The following PRKCB variants were observed in gnomAD, a reference collection of about 807,000 sequenced individuals.
The protein encoded by PRKCB is protein kinase C beta, also known as protein kinase C beta type.
A neutral mutation model predicts 81.5 loss-of-function variants in PRKCB; 13 were observed. The ratio of observed to expected loss-of-function variants is 0.16; its 90% confidence interval spans 0.10 to 0.25. The LOEUF (loss-of-function observed/expected upper bound fraction) is 0.25, where lower values mean the gene tolerates loss of function less well. Ranked by LOEUF, PRKCB falls within the 10% of genes least tolerant of loss-of-function variation. The pLI, the probability that PRKCB is intolerant of heterozygous loss-of-function variation, is 1.00. For missense variants in PRKCB, 509 were observed against 875.7 expected (o/e 0.58, Z 5.29); for synonymous variants, 335 against 321.4 (o/e 1.04, Z -0.45).
intron 7 of PRKCB, among the ~76,000 whole-genome samples, chr16:24,096,666 A>AAAAAAAAAAAAT (rs1406204037): frequency 6.1e-5 from 2 of 32,704 alleles, no homozygotes; most frequent in African/African-American, 1.9e-4. Context: ...AAAAAAAAAA[A>AAAAAAAAAAAAT]ATATATATAT....
rs1284455936 is a variant in PRKCB, at chr16:24,123,942, T to C, written c.1026T>C (p.Phe342=). The change falls in exon 9 of 17, where the codon TTT becomes TTC. Residue 342 remains phenylalanine (F), a synonymous_variant. Transcript: ENST00000643927. ...GNRDRMKLTD[F]NFLMVLGKGS... is the part of the protein sequence containing the mutation. ...GAGACCGGATGAAACTGACCGATTTTAACTTCCTAATGGTGCTGGGGAAAG... is the reference window on the plus strand; with the variant it reads ...GAGACCGGATGAAACTGACCGATTTCAACTTCCTAATGGTGCTGGGGAAAG... 14 of 1,614,076 alleles carry C rather than the reference T, an allele frequency of 8.7e-6. No individual in the cohort carries two copies. Among genetic ancestry groups the C allele is most frequent in the African/African-American group, 2.7e-5 (2 of 74,934 alleles).
intron 2 of PRKCB, among the ~76,000 whole-genome samples, chr16:23,919,367 C>T (rs1049179488): frequency 1.5e-5 from 2 of 137,908 alleles, no homozygotes; most frequent in African/African-American, 5.5e-5. Context: ...TATGTTAGAA[C>T]AGAGTCATGG....
intron 5 of PRKCB, among the ~76,000 whole-genome samples, chr16:24,040,765 C>T (rs62026399): frequency 2.3e-3 from 343 of 152,292 alleles, no homozygotes; most frequent in Middle Eastern, 6.8e-3. Flanking sequence ...CCAATTTATA[C>T]CATTATTCTC....
intron 7 of PRKCB, among the ~76,000 whole-genome samples, chr16:24,103,052 T>C (rs796725427): frequency 1.2e-4 from 18 of 152,324 alleles, no homozygotes; most frequent in African/African-American, 4.3e-4. Flanking sequence ...TTTGTATTTT[T>C]AGTTGAGACA....
At chr16:23,836,798 C>G (rs557950309) in intron 1 of PRKCB, among the ~76,000 whole-genome samples, 9 of 149,696 alleles carry the variant, frequency 6.0e-5, no homozygotes, top group Non-Finnish European at 1.2e-4. Context: ...GTGTCCTTCT[C>G]TATCTCCCTG....
At chr16:24,112,580 G>C (rs1365588755) in intron 7 of PRKCB, among the ~76,000 whole-genome samples, 2 of 152,102 alleles carry the variant, frequency 1.3e-5, no homozygotes, top group Non-Finnish European at 2.9e-5. Context: ...AGAAATTTAC[G>C]ATGAGGGATC....
At chr16:24,193,552 T>C (rs1406592888) in intron 16 of PRKCB, among the ~76,000 whole-genome samples, 2 of 152,018 alleles carry the variant, frequency 1.3e-5, no homozygotes, top group African/African-American at 2.4e-5. Context: ...GCTCAAGTGA[T>C]CCTCCAAAAA....
intron 2 of PRKCB, among the ~76,000 whole-genome samples, chr16:23,957,924 T>A (rs930066436): frequency 6.6e-6 from 1 of 152,216 alleles, no homozygotes; most frequent in Non-Finnish European, 1.5e-5. Flanking sequence ...AAAACAGTCA[T>A]GAAATGGCAC....
intron 10 of PRKCB, among the ~76,000 whole-genome samples, chr16:24,164,479 A>C (rs1309627686): frequency 6.6e-6 from 1 of 152,230 alleles, no homozygotes; most frequent in Non-Finnish European, 1.5e-5. Context: ...GAAGAATCAC[A>C]ATAACAATGA....
In PRKCB at chr16:24,185,071, A is replaced by G. The variant is rs140100147; in HGVS notation, c.1534-40A>G. The G allele has an allele frequency of 1.2e-3, 1,876 of 1,540,772 alleles. 2 individuals carry two copies. The highest frequency in any genetic ancestry group is 1.6e-3 in the Non-Finnish European group (1,769 of 1,113,776). ...GAAATCTGTCTCCAGAAGAAACATGAACTGCAAACCTCCCTGATAGGGTGC... is the reference window on the plus strand; with the variant it reads ...GAAATCTGTCTCCAGAAGAAACATGGACTGCAAACCTCCCTGATAGGGTGC... On this transcript the variant is annotated intron_variant, in intron 13 of 16. Transcript: ENST00000643927.
intron 8 of PRKCB, among the ~76,000 whole-genome samples, chr16:24,118,653 C>G (rs1353126126): frequency 6.6e-6 from 1 of 152,188 alleles, no homozygotes; most frequent in African/African-American, 2.4e-5. Context: ...TGGCTTGGCT[C>G]TTTGCTCAGA....
At chr16:23,947,348 A>C (rs921112530) in intron 2 of PRKCB, among the ~76,000 whole-genome samples, 1 of 152,188 alleles carries the variant, frequency 6.6e-6, no homozygotes, top group African/African-American at 2.4e-5. Flanking sequence ...GCTCAGTGCA[A>C]TATTAGTTTG....
intron 2 of PRKCB, among the ~76,000 whole-genome samples, chr16:23,932,605 G>T (rs561038773): frequency 6.6e-6 from 1 of 152,224 alleles, no homozygotes; most frequent in South Asian, 2.1e-4. Flanking sequence ...AGACTGGAAG[G>T]ATCAGGCATC....
intron 2 of PRKCB, among the ~76,000 whole-genome samples, chr16:23,913,383 T>C (rs945253040): frequency 9.9e-5 from 15 of 151,560 alleles, no homozygotes; most frequent in African/African-American, 3.6e-4. Flanking sequence ...AAGGAGGGGA[T>C]CATAGAGTCC....
chr16:24,152,452 G>A, intron 9 of PRKCB, among the ~76,000 whole-genome samples: 1 of 152,162 alleles, frequency 6.6e-6, no homozygotes, highest in Non-Finnish European at 1.5e-5. Flanking sequence ...CCACTGTCAA[G>A]GACAGCTCAG....
chr16:24,137,270 C>T (rs1203241276), intron 9 of PRKCB, among the ~76,000 whole-genome samples: 2 of 152,002 alleles, frequency 1.3e-5, no homozygotes. Context: ...CTCACTGCAG[C>T]CCCGAACTCC....
At chr16:23,968,444 T>C (rs914961109) in intron 2 of PRKCB, among the ~76,000 whole-genome samples, 4 of 152,228 alleles carry the variant, frequency 2.6e-5, no homozygotes, top group South Asian at 2.1e-4. Context: ...TATTGAGAGC[T>C]GGGGCTAAGA....
Position 23,889,792 on chromosome 16 carries a change from A to G in PRKCB, c.205+52386A>G, listed in dbSNP as rs891365374. ...ATGTGAGAAAAACAAACTTTTACCT[A>G]TTTTGAGGGTTATTACTGCAGGATA... is the stretch of plus-strand genomic sequence containing the variant. On this transcript the variant is annotated intron_variant, in intron 2 of 16. Transcript: ENST00000643927. 8.5e-5 allele frequency among the ~76,000 whole-genome samples: 13 copies of G among 152,262 alleles called. No individual in the cohort carries two copies. In the East Asian group the frequency reaches 9.7e-4, roughly 11 times the overall value.
chr16:24,022,616 T>A (rs1965419569), intron 3 of PRKCB, among the ~76,000 whole-genome samples: 1 of 152,086 alleles, frequency 6.6e-6, no homozygotes, highest in Non-Finnish European at 1.5e-5. Flanking sequence ...CTCAGCCTCC[T>A]GAGTAGCTGG....
Sources: gnomAD v4.1 joint callset for allele counts (sites outside exome capture counted in the v4.1 genomes callset) on GRCh38, gnomAD v4.1.1 for gene constraint, MANE v1.5 for transcripts, NCBI Gene and HGNC (gene_info 2026-07-23, HGNC 2026-07-21) for gene names.